CSMD3: variants seen among roughly 807,000 people sequenced by gnomAD.
CSMD3 encodes CUB and sushi domain-containing protein 3.
CSMD3 carries 177 observed loss-of-function variants against 435.2 expected under a neutral mutation model. That is an observed-to-expected ratio of 0.41 (90% CI 0.36 to 0.46). The LOEUF (loss-of-function observed/expected upper bound fraction) is 0.46, where lower values mean the gene tolerates loss of function less well. Ranked by LOEUF, CSMD3 falls within the 20% of genes least tolerant of loss-of-function variation. The pLI is 0.34. For missense variants in CSMD3, 4,265 were observed against 4,504.6 expected (o/e 0.95, Z 1.52); for synonymous variants, 1,656 against 1,520.5 (o/e 1.09, Z -2.07).
chr8:113,126,492 T>C (rs1384174680), intron 4 of CSMD3, among the ~76,000 whole-genome samples: 3 of 151,968 alleles, frequency 2.0e-5, no homozygotes, highest in African/African-American at 7.2e-5. Context: ...CAAATAAATA[T>C]TATAAAGTTG....
chr8:112,390,924 G>A (rs1013715124), intron 35 of CSMD3, 136 bp from the exon 36 acceptor site: 10 of 840,826 alleles, frequency 1.2e-5, no homozygotes, highest in Non-Finnish European at 1.7e-5. Flanking sequence ...ACTGATAAAA[G>A]CAATGAAAAT....
intron 23 of CSMD3, among the ~76,000 whole-genome samples, chr8:112,586,205 T>C: frequency 6.6e-6 from 1 of 151,542 alleles, no homozygotes; most frequent in East Asian, 1.9e-4. Context: ...ATTCTCCTGC[T>C]GCAGCCAATT....
At chr8:112,625,714 G>A (rs1373297519) in intron 22 of CSMD3, among the ~76,000 whole-genome samples, 1 of 152,090 alleles carries the variant, frequency 6.6e-6, no homozygotes, top group Non-Finnish European at 1.5e-5. Context: ...ACAATACACA[G>A]ATGTAGAAAA....
intron 16 of CSMD3, among the ~76,000 whole-genome samples, chr8:112,668,206 A>G (rs1383103624): frequency 6.6e-6 from 1 of 152,140 alleles, no homozygotes; most frequent in Admixed American, 6.6e-5. Context: ...TACTCTTCCT[A>G]GTTATGATGA....
At chr8:113,128,026 A>C (rs1284797244) in intron 4 of CSMD3, among the ~76,000 whole-genome samples, 1 of 152,064 alleles carries the variant, frequency 6.6e-6, no homozygotes, top group Non-Finnish European at 1.5e-5. Context: ...GTTCAGTTTA[A>C]ACATCACCCA....
At chr8:112,468,540 T>C (rs1170742281) in intron 32 of CSMD3, among the ~76,000 whole-genome samples, 1 of 152,070 alleles carries the variant, frequency 6.6e-6, no homozygotes, top group Non-Finnish European at 1.5e-5. Context: ...ATAATACATA[T>C]TAACAAAAAA....
intron 5 of CSMD3, among the ~76,000 whole-genome samples, chr8:113,066,195 C>T (rs1481019665): frequency 6.7e-6 from 1 of 149,486 alleles, no homozygotes; most frequent in Non-Finnish European, 1.5e-5. Flanking sequence ...GTATATTGTG[C>T]TATAGATTAG....
chr8:112,895,397 G>T (rs906836764), intron 10 of CSMD3, among the ~76,000 whole-genome samples: 2 of 151,306 alleles, frequency 1.3e-5, no homozygotes, highest in African/African-American at 2.4e-5. Context: ...TGGGAAAATT[G>T]TTCCAGAAAG....
At position 112,689,802 on chromosome 8, in the gene CSMD3, CAA is replaced by C; in HGVS notation, c.2155+64_2155+65del. ...GGTTGCAGCTCTTTGCAATTAATTACAAAAGCAATTATATGCAAGGACAGGGT... is the reference window on the plus strand; with the variant it reads ...GGTTGCAGCTCTTTGCAATTAATTACAAGCAATTATATGCAAGGACAGGGT... On this transcript the variant is annotated intron_variant, in intron 14 of 70. Coordinates refer to ENST00000297405, the MANE Select transcript of CSMD3 (RefSeq NM_198123.2). 2.1e-6 allele frequency: 3 copies of C among 1,421,356 alleles called. No individual in the cohort carries two copies. In the South Asian group the frequency reaches 3.5e-5, roughly 17 times the overall value. The allele number at this position is 1,421,356 out of a possible 1,614,324, so 88.0% of individuals were successfully genotyped here. A position where few individuals can be genotyped will look rare whatever the true frequency, so the allele number is the denominator to read the frequency against.
At position 113,032,598 on chromosome 8, in the gene CSMD3, T is replaced by C. The variant is rs138630449; in HGVS notation, c.918-13419A>G. Among the ~76,000 whole-genome samples the C allele has an allele frequency of 2.2e-3, 337 of 151,644 alleles. 3 individuals carry two copies. Among genetic ancestry groups the C allele is most frequent in the African/African-American group, 7.8e-3 (322 of 41,478 alleles). ...AATTCATAAAGAGATGGTTTGAAAT[T>C]GGAATTTACGTTTAAAAGGAAAGTA... On this transcript the variant is annotated intron_variant, in intron 5 of 70. Transcript: ENST00000297405.
chr8:112,865,329 T>G (rs1176076838), intron 10 of CSMD3, among the ~76,000 whole-genome samples: 1 of 152,162 alleles, frequency 6.6e-6, no homozygotes, highest in Non-Finnish European at 1.5e-5. Context: ...TTGCACAGAA[T>G]ATATCAACTG....
chr8:113,068,776 T>C (rs1001569062), intron 5 of CSMD3, among the ~76,000 whole-genome samples: 1 of 152,132 alleles, frequency 6.6e-6, no homozygotes, highest in African/African-American at 2.4e-5. Flanking sequence ...CTATTTTTTC[T>C]TCTATTTGTG....
chr8:113,193,866 G>A (rs28637150), intron 3 of CSMD3, among the ~76,000 whole-genome samples: 50,891 of 151,142 alleles, frequency 0.34, 9,393 homozygotes, highest in African/African-American at 0.5. Flanking sequence ...TTATAAATGT[G>A]TACATAGACA....
rs1826221815 is a variant in CSMD3 at position 112,352,486 on chromosome 8, A to G, written c.6185T>C (p.Ile2062Thr). Residue 2062 changes from isoleucine (I) to threonine (T), a missense_variant, in exon 39 of 71, where the codon ATT (isoleucine) becomes ACT (threonine). This residue lies in a region of CSMD3 where 3,255 missense variants were observed against 3,380.2 expected (regional missense o/e 0.96). Coordinates refer to ENST00000297405, the MANE Select transcript of CSMD3 (RefSeq NM_198123.2). ...AACCATATATCTGTCTCCAATTTTA[A>G]TTCCACTGCTAGGAGTTTGTGGTTC... Reference protein sequence around the residue: ...CPEPQTPSSGIKIGDRYMVGD... With the variant: ...CPEPQTPSSGTKIGDRYMVGD... The G allele has an allele frequency of 2.5e-6, 4 of 1,613,596 alleles. No individual in the cohort carries two copies. Among genetic ancestry groups the G allele is most frequent in the Non-Finnish European group, 2.5e-6 (3 of 1,179,766 alleles).
intron 1 of CSMD3, among the ~76,000 whole-genome samples, chr8:113,333,002 G>A (rs919544198): frequency 1.3e-5 from 2 of 151,576 alleles, no homozygotes; most frequent in African/African-American, 2.4e-5. Flanking sequence ...TTGAGTGTGG[G>A]GGAGTCAAGA....
chr8:112,964,040 C>T (rs965829887), intron 7 of CSMD3, among the ~76,000 whole-genome samples: 1 of 151,868 alleles, frequency 6.6e-6, no homozygotes, highest in Non-Finnish European at 1.5e-5. Flanking sequence ...CATTTACTGG[C>T]TGTGCATCTA....
At chr8:112,507,878 C>T (rs756438282) in intron 28 of CSMD3, among the ~76,000 whole-genome samples, 16 of 152,060 alleles carry the variant, frequency 1.1e-4, no homozygotes, top group Non-Finnish European at 2.1e-4. Context: ...AGAAAATTGT[C>T]TCAGCTCTTA....
chr8:113,169,367 A>C (rs1003333353), intron 4 of CSMD3, among the ~76,000 whole-genome samples: 1 of 152,050 alleles, frequency 6.6e-6, no homozygotes, highest in Non-Finnish European at 1.5e-5. Flanking sequence ...CTAACATCCA[A>C]GCTTCTCCAA....
In CSMD3 at chr8:112,270,342, G is replaced by A. The variant is rs941684613; in HGVS notation, c.9509-4752C>T. On this transcript the variant is annotated intron_variant, in intron 59 of 70. Transcript: ENST00000297405. ...TAGAATTTCTAAAAAACAGAGGGGT[G>A]AGTGTGTGTGTGTGTGTGTGTGTGT... Among the ~76,000 whole-genome samples, 23 of 97,470 alleles carry A rather than the reference G, an allele frequency of 2.4e-4. No individual in the cohort carries two copies. The East Asian group carries it at 2.6e-3, about 11-fold the overall frequency. The allele number at this position is 97,470 out of a possible 152,430, so 63.9% of individuals were successfully genotyped here.
Sources: gnomAD v4.1 joint callset for allele counts (sites outside exome capture counted in the v4.1 genomes callset) on GRCh38, gnomAD v4.1.1 for gene constraint, gnomAD v4.1.1 regional missense constraint, MANE v1.5 for transcripts, NCBI Gene and HGNC (gene_info 2026-07-23, HGNC 2026-07-21) for gene names.